Variants in KIF7 observed in about 807,000 individuals in gnomAD.
The protein encoded by KIF7 is kinesin-like protein KIF7.
In KIF7, 104 loss-of-function variants were observed where a neutral mutation model predicts 135.7. The observed-to-expected ratio is 0.77, with a 90% CI of 0.65 to 0.90. KIF7 has a LOEUF of 0.90. Among genes scored for constraint, KIF7 ranks in the 40% least tolerant of loss-of-function variants. The pLI is 0.00. For synonymous variants in KIF7, 883 were observed against 809.4 expected (o/e 1.09, Z -1.54); for missense variants, 2,005 against 1,839.1 (o/e 1.09, Z -1.65).
chr15:89,647,045 G>A lies in KIF7; in HGVS notation c.1573C>T (p.Arg525Cys), dbSNP rs780615343. 2 of 1,593,108 alleles carry A rather than the reference G, an allele frequency of 1.3e-6. No homozygotes were observed. The highest frequency in any genetic ancestry group is 1.1e-5 in the South Asian group (1 of 89,118). ...TCCACCATCTCCTCCTGCTGCTCAC[G>A]CAGCCGGTCGCTCTGCAAGACATGG... The part of the protein sequence containing the change: ...EQYKLQSDRL[R>C]EQQEEMVELR... The change falls in exon 7 of 19, where the codon CGT (arginine) becomes TGT (cysteine). Residue 525 changes from arginine to cysteine, a missense_variant. Coordinates refer to ENST00000394412, the MANE Select transcript of KIF7 (RefSeq NM_198525.3).
chr15:89,624,227 T>A (rs1414479269), downstream of KIF7: 2 of 1,614,090 alleles, frequency 1.2e-6, no homozygotes, highest in African/African-American at 2.7e-5. Flanking sequence ...TCCCCACCTG[T>A]TACGCCAAAG....
downstream of KIF7, chr15:89,627,697 T>A (rs1258199964): frequency 2.2e-4 from 34 of 153,484 alleles, no homozygotes; most frequent in Admixed American, 2.2e-3. Flanking sequence ...TCAAGGACTG[T>A]CCAAGAGCCA....
At chr15:89,660,873 A>G in the KIF7 span, among the ~76,000 whole-genome samples, 1 of 152,276 alleles carries the variant, frequency 6.6e-6, no homozygotes, top group African/African-American at 2.4e-5. Context: ...TGTTGTGAGA[A>G]GAGTATGCCC....
downstream of KIF7, chr15:89,624,967 T>A: frequency 6.2e-7 from 1 of 1,614,032 alleles, no homozygotes; most frequent in South Asian, 1.1e-5. Flanking sequence ...TTCCACAGAC[T>A]CTGCCAGCCC....
intron 17 of KIF7, 77 bp from the exon 18 acceptor site, chr15:89,629,199 T>G: frequency 1.1e-5 from 1 of 94,704 alleles, no homozygotes; most frequent in Non-Finnish European, 2.3e-5. Flanking sequence ...GGGTGGGGGC[T>G]GTGGGCTGGG....
downstream of KIF7, chr15:89,627,058 T>G (rs766792371): frequency 3.1e-6 from 5 of 1,614,010 alleles, no homozygotes; most frequent in African/African-American, 5.3e-5. Flanking sequence ...CGGAAGAAGC[T>G]CATGGGAACC....
In KIF7 at chr15:89,648,648, G is replaced by A; in HGVS notation, c.1050C>T (p.Arg350=). 2 of 1,535,836 alleles carry A rather than the reference G, an allele frequency of 1.3e-6. No individual in the cohort carries two copies. Among genetic ancestry groups the A allele is most frequent in the Non-Finnish European group, 1.7e-6 (2 of 1,146,274 alleles). ...GCCGCCAGTTGACCGTGGCGCGGTT[G>A]CGGATGTTCTGGGCGCGGCTGGCGT... ...LNYASRAQNI[R]NRATVNWRPE... is the part of the protein sequence containing the mutation. Residue 350 remains arginine (R), a synonymous_variant, in exon 5 of 19, where the codon CGC becomes CGT. Coordinates refer to ENST00000394412, the MANE Select transcript of KIF7 (RefSeq NM_198525.3).
chr15:89,624,286 A>C, downstream of KIF7: 1 of 1,614,204 alleles, frequency 6.2e-7, no homozygotes, highest in Non-Finnish European at 8.5e-7. Flanking sequence ...GAGTCCATTT[A>C]GGAAATCTAA....
At chr15:89,646,720 G>A in intron 7 of KIF7, 110 bp downstream of exon 7, 1 of 997,674 alleles carries the variant, frequency 1.0e-6, no homozygotes, top group Non-Finnish European at 1.6e-6. Flanking sequence ...CTCACAGCCA[G>A]TCCCATGAAA....
At chr15:89,653,497 T>C (rs192090531) in intron 1 of KIF7, among the ~76,000 whole-genome samples, 1 of 152,342 alleles carries the variant, frequency 6.6e-6, no homozygotes, top group African/African-American at 2.4e-5. Context: ...TCCTGGCCAC[T>C]GACATCGTGC....
chr15:89,634,680 CCA>C lies in KIF7; in HGVS notation c.2395-799_2395-798del, dbSNP rs1261313740. 4.6e-5 allele frequency among the ~76,000 whole-genome samples: 7 copies of C among 152,360 alleles called. No individual in the cohort carries two copies. The South Asian group carries it at 1.0e-3, about 23-fold the overall frequency. On this transcript the variant is annotated intron_variant, in intron 11 of 18. Transcript: ENST00000394412. ...GCACATGGCTCAGAGGGTCCTACGC[CCA>C]CAGAGTCTGGCTGATTGCTAGCACA... is the stretch of plus-strand genomic sequence containing the variant.
intron 12 of KIF7, 121 bp from the exon 13 acceptor site, chr15:89,633,387 C>T (rs1197741464): frequency 7.7e-6 from 10 of 1,304,074 alleles, no homozygotes; most frequent in Admixed American, 4.0e-5. Flanking sequence ...GCGAAGTGTC[C>T]CCCAGACCCA....
chr15:89,629,347 G>C (rs760692380), intron 17 of KIF7, 28 bp downstream of exon 17: 3 of 1,551,230 alleles, frequency 1.9e-6, no homozygotes, highest in Non-Finnish European at 2.6e-6. Flanking sequence ...GGGGGCCGGG[G>C]TTGTGAGCCA....
downstream of KIF7, chr15:89,624,899 A>G (rs766500207): frequency 3.1e-6 from 5 of 1,614,054 alleles, no homozygotes; most frequent in East Asian, 1.1e-4. Context: ...TGTACCACAG[A>G]TGGGAGACAG....
At chr15:89,625,680 C>G (rs778552926), downstream of KIF7, 4 of 1,613,798 alleles carry the variant, frequency 2.5e-6, no homozygotes, top group Non-Finnish European at 3.4e-6. Flanking sequence ...CCAAAAGGAT[C>G]TGTGACCTGA....
At chr15:89,661,483 T>C in the KIF7 span, among the ~76,000 whole-genome samples, 1 of 152,164 alleles carries the variant, frequency 6.6e-6, no homozygotes, top group Non-Finnish European at 1.5e-5. Flanking sequence ...ATTGTGGATG[T>C]CATGCAGGAT....
In KIF7 at chr15:89,645,424, C is replaced by T. The variant is rs1361097518; in HGVS notation, c.1950G>A (p.Arg650=). ...RRNRISNCSQ[R]AGARPGSLPE... ...GCAGACTCCCTGGGCGTGCCCCCGC[C>T]CTCTGACTGCAGTTGCTGATCCTAT... Residue 650 remains arginine, a synonymous_variant, in exon 9 of 19, where the codon AGG becomes AGA. Transcript: ENST00000394412. The T allele has an allele frequency of 1.2e-6, 2 of 1,613,736 alleles. No individual in the cohort carries two copies. Among genetic ancestry groups the T allele is most frequent in the African/African-American group, 1.3e-5 (1 of 74,922 alleles).
At position 89,633,857 on chromosome 15, in the gene KIF7, C is replaced by A. The variant is rs141497185; in HGVS notation, c.2421G>T (p.Thr807=). 3 of 1,613,796 alleles carry A rather than the reference C, an allele frequency of 1.9e-6. No individual in the cohort carries two copies. Among genetic ancestry groups the A allele is most frequent in the South Asian group, 2.2e-5 (2 of 91,090 alleles). The change falls in exon 12 of 19, where the codon ACG becomes ACT. Residue 807 remains threonine (T), a synonymous_variant. Transcript: ENST00000394412. ...GGGCCGACAGTGACACCAGCCGCTC[C>A]GTAGCCTGCTTCTTCTCCTTCAGCA... is the stretch of plus-strand genomic sequence containing the variant. ...VQVLKEKKQA[T]ERLVSLSAQS...
intron 1 of KIF7, chr15:89,619,905 A>G: frequency 6.5e-7 from 1 of 1,532,528 alleles, no homozygotes; most frequent in Non-Finnish European, 8.8e-7. Context: ...TGTTTTTGGG[A>G]AAAGAAGCAA....
Sources: allele counts gnomAD v4.1 joint callset (sites outside exome capture counted in the v4.1 genomes callset), GRCh38; gene constraint gnomAD v4.1.1; transcripts MANE v1.5; gene names NCBI Gene and HGNC (gene_info 2026-07-23, HGNC 2026-07-21).